Variants in SUFU observed in about 807,000 individuals in gnomAD.
SUFU encodes SUFU negative regulator of hedgehog signaling.
SUFU carries 7 observed loss-of-function variants against 58.9 expected under a neutral mutation model. The observed-to-expected ratio is 0.12, with a 90% CI of 0.07 to 0.22. SUFU has a LOEUF of 0.22. SUFU is among the 10% of genes least tolerant of loss of function. The pLI is 1.00. For missense variants in SUFU, 451 were observed against 641.3 expected (o/e 0.70, Z 3.20); for synonymous variants, 232 against 254.8 (o/e 0.91, Z 0.85).
intron 8 of SUFU, among the ~76,000 whole-genome samples, chr10:102,600,851 C>G (rs2063509237): frequency 6.6e-6 from 1 of 152,188 alleles, no homozygotes; most frequent in East Asian, 1.9e-4. Context: ...CACCTCAGAG[C>G]AGCTTTTAAC....
At chr10:102,577,632 C>A (rs1159598050) in intron 3 of SUFU, among the ~76,000 whole-genome samples, 1 of 152,006 alleles carries the variant, frequency 6.6e-6, no homozygotes, top group Non-Finnish European at 1.5e-5. Flanking sequence ...AGCCACTGCA[C>A]CCAGCCCTCC....
intron 3 of SUFU, among the ~76,000 whole-genome samples, chr10:102,573,641 A>G (rs1036075013): frequency 1.3e-5 from 2 of 152,252 alleles, no homozygotes; most frequent in Non-Finnish European, 2.9e-5. Flanking sequence ...ACTCAGCCTT[A>G]ATAAAAGGAA....
At chr10:102,520,898 T>A (rs1278204052) in intron 2 of SUFU, among the ~76,000 whole-genome samples, 1 of 152,234 alleles carries the variant, frequency 6.6e-6, no homozygotes, top group East Asian at 1.9e-4. Flanking sequence ...GCTTCCAGTA[T>A]TTTTTGGCGA....
At position 102,594,106 on chromosome 10, in the gene SUFU, C is replaced by T; in HGVS notation, c.756+41C>T. ...GGAAAACCTTTCTAGCACCCTGTGCCTAGGCCTCTTCCAAATAACACTGGC... is the reference window on the plus strand; with the variant it reads ...GGAAAACCTTTCTAGCACCCTGTGCTTAGGCCTCTTCCAAATAACACTGGC... On this transcript the variant is annotated intron_variant, in intron 6 of 11. Coordinates refer to ENST00000369902, the MANE Select transcript of SUFU (RefSeq NM_016169.4). 6 of 1,597,950 alleles carry T rather than the reference C, an allele frequency of 3.8e-6. 1 individual carries two copies. The South Asian group carries it at 6.6e-5, about 18-fold the overall frequency.
chr10:102,583,090 A>AC (rs1226588158), intron 3 of SUFU, among the ~76,000 whole-genome samples: 2 of 151,984 alleles, frequency 1.3e-5, no homozygotes, highest in Admixed American at 6.6e-5. Context: ...GAGTGCTGAG[A>AC]CCCCACAGTG....
intron 2 of SUFU, among the ~76,000 whole-genome samples, chr10:102,535,522 A>C (rs922734853): frequency 6.6e-6 from 1 of 151,808 alleles, no homozygotes; most frequent in African/African-American, 2.4e-5. Flanking sequence ...AAGAAAAAAG[A>C]AAGAAATAAG....
At chr10:102,505,431 T>A (rs2062312656) in intron 1 of SUFU, among the ~76,000 whole-genome samples, 1 of 152,188 alleles carries the variant, frequency 6.6e-6, no homozygotes, top group African/African-American at 2.4e-5. Context: ...TAAGATGATC[T>A]TCAATGAGTC....
intron 2 of SUFU, among the ~76,000 whole-genome samples, chr10:102,536,009 C>T (rs1326657238): frequency 6.6e-6 from 1 of 152,044 alleles, no homozygotes; most frequent in East Asian, 1.9e-4. Context: ...CTCTGTCTCG[C>T]TTCGGTTAGA....
At chr10:102,517,871 C>T (rs1349718610) in intron 2 of SUFU, among the ~76,000 whole-genome samples, 1 of 152,192 alleles carries the variant, frequency 6.6e-6, no homozygotes. Flanking sequence ...CTTGAGTCCC[C>T]TGTACAGGCA....
intron 2 of SUFU, among the ~76,000 whole-genome samples, chr10:102,527,280 G>A (rs967414456): frequency 9.2e-5 from 14 of 151,958 alleles, no homozygotes; most frequent in East Asian, 1.9e-4. Context: ...GGGATTACAG[G>A]CGTGAGCCAC....
intron 2 of SUFU, among the ~76,000 whole-genome samples, chr10:102,538,650 C>T (rs1342099369): frequency 6.6e-6 from 1 of 152,182 alleles, no homozygotes; most frequent in Non-Finnish European, 1.5e-5. Context: ...CACATGTATG[C>T]AGCCTCTCCC....
intron 2 of SUFU, among the ~76,000 whole-genome samples, chr10:102,522,035 C>T (rs1434732338): frequency 5.9e-5 from 9 of 152,176 alleles, no homozygotes. Context: ...TTTTGCTTTG[C>T]GTGCATCTCA....
intron 8 of SUFU, among the ~76,000 whole-genome samples, chr10:102,604,368 C>T (rs540987908): frequency 6.6e-6 from 1 of 152,348 alleles, no homozygotes; most frequent in South Asian, 2.1e-4. Context: ...AGGGGCTCCA[C>T]AGCAAGTCTG....
At chr10:102,573,284 C>A in intron 3 of SUFU, 1 of 611,282 alleles carries the variant, frequency 1.6e-6, no homozygotes, top group Non-Finnish European at 2.9e-6. Flanking sequence ...GCCTCACAGC[C>A]GTTAGAATGG....
chr10:102,557,398 C>A (rs896802577), intron 3 of SUFU, among the ~76,000 whole-genome samples: 2 of 152,050 alleles, frequency 1.3e-5, no homozygotes, highest in African/African-American at 2.4e-5. Flanking sequence ...CCAGCCTGGG[C>A]AACATGGTGA....
intron 1 of SUFU, among the ~76,000 whole-genome samples, chr10:102,504,857 G>A (rs1424220862): frequency 6.6e-6 from 1 of 152,096 alleles, no homozygotes; most frequent in Non-Finnish European, 1.5e-5. Context: ...TGAGGGCCTG[G>A]TGCTTGTGGA....
At chr10:102,615,233 C>A in intron 8 of SUFU, 35 bp from the exon 9 acceptor site, 1 of 1,614,026 alleles carries the variant, frequency 6.2e-7, no homozygotes, top group East Asian at 2.2e-5. Context: ...AGCTTTTCAC[C>A]TTGTGCCGAA....
chr10:102,580,352 G>C (rs946235502), intron 3 of SUFU, among the ~76,000 whole-genome samples: 1 of 152,104 alleles, frequency 6.6e-6, no homozygotes, highest in Non-Finnish European at 1.5e-5. Flanking sequence ...TTGCTCCTAC[G>C]CTGTTTATAC....
intron 1 of SUFU, among the ~76,000 whole-genome samples, chr10:102,508,278 C>G (rs1173947930): frequency 6.6e-6 from 1 of 152,026 alleles, no homozygotes; most frequent in Non-Finnish European, 1.5e-5. Context: ...CCGGCCAAAA[C>G]AGGATTTTTT....
Sources: gnomAD v4.1 joint callset for allele counts (sites outside exome capture counted in the v4.1 genomes callset) on GRCh38, gnomAD v4.1.1 for gene constraint, MANE v1.5 for transcripts, NCBI Gene and HGNC (gene_info 2026-07-23, HGNC 2026-07-21) for gene names.